Variants in PPP2R5B observed in about 807,000 individuals in gnomAD.
The protein encoded by PPP2R5B is serine/threonine-protein phosphatase 2A 56 kDa regulatory subunit beta isoform.
Under a neutral mutation model 59.9 loss-of-function variants are expected in PPP2R5B, and 19 were observed. The ratio of observed to expected loss-of-function variants is 0.32; its 90% CI spans 0.22 to 0.47. PPP2R5B has a LOEUF of 0.47. PPP2R5B is among the 20% of genes least tolerant of loss of function. The pLI is 1.00. For missense variants in PPP2R5B, 441 were observed against 640.2 expected, an observed-to-expected ratio of 0.69 and a Z score of 3.36; for synonymous variants, 286 against 260.5, an observed-to-expected ratio of 1.10 and a Z score of -0.94.
Position 64,930,463 on chromosome 11 carries a change from CT to C in PPP2R5B, c.783-16del. 5.0e-6 allele frequency: 8 copies of C among 1,614,044 alleles called. No individual in the cohort carries two copies. Among genetic ancestry groups the C allele is most frequent in the Non-Finnish European group, 6.8e-6 (8 of 1,179,886 alleles). On this transcript the variant is annotated splice_polypyrimidine_tract_variant and intron_variant, in intron 7 of 13. Coordinates refer to ENST00000164133, the MANE Select transcript of PPP2R5B (RefSeq NM_006244.4). ...CAGGTCACCTGAGCCCTCTTCCTCT[CT>C]TCTGCCTCCTCCTCAGCATCATCAA...
In PPP2R5B at chr11:64,926,014, G is replaced by A. The variant is rs183502537; in HGVS notation, c.199+81G>A. ...CATGGGGAGGGGTGGGAGGCAGCGG[G>A]CAGCTGCCAAGAGAGAGAGTTTGGA... On this transcript the variant is annotated intron_variant, in intron 2 of 13. Transcript: ENST00000164133. The A allele has an allele frequency of 7.1e-4, 995 of 1,397,938 alleles. 4 individuals are homozygous for A. The African/African-American group carries it at 0.013, about 18-fold the overall frequency. The allele number at this position is 1,397,938 out of a possible 1,614,324, so 86.6% of individuals were successfully genotyped here.
At chr11:64,918,146 A>T (rs1945060575) in intron 1 of PPP2R5B, 1 of 152,208 alleles carries the variant, frequency 6.6e-6, no homozygotes, top group Non-Finnish European at 1.5e-5. Context: ...TTTTAGTGTC[A>T]CACAGTCTTG....
chr11:64,928,068 G>A lies in PPP2R5B; in HGVS notation c.501G>A (p.Leu167=). The change falls in exon 5 of 14, where the codon CTG becomes CTA. Residue 167 remains leucine (L), a splice_region_variant and synonymous_variant. Transcript: ENST00000164133. ...TTTTGTCTGTCCCCCTCCCCCAGCT[G>A]GTATATGAGTTTTTCCTGCGTTTCT... is the stretch of plus-strand genomic sequence containing the variant. The part of the protein sequence containing the change: ...NLEPSWPHLQ[L]VYEFFLRFLE... 2 of 1,614,104 alleles carry A rather than the reference G, an allele frequency of 1.2e-6. No individual in the cohort carries two copies. The highest frequency in any genetic ancestry group is 8.5e-7 in the Non-Finnish European group (1 of 1,179,964).
At position 64,925,831 on chromosome 11, in the gene PPP2R5B, C is replaced by T. The variant is rs761818150; in HGVS notation, c.97C>T (p.Arg33Cys). Residue 33 changes from arginine (R) to cysteine (C), a missense_variant, in exon 2 of 14, where the codon CGC becomes TGC. Around this residue, in one of 3 missense-constraint regions of PPP2R5B, gnomAD observed 103 missense variants for 87.9 expected, o/e 1.17. Coordinates refer to ENST00000164133, the MANE Select transcript of PPP2R5B (RefSeq NM_006244.4). The surrounding 1 kb of genome is among the most constrained non-coding windows in gnomAD (Gnocchi z 4.6). ...ACCCGACAAGGTGGACGGCTTCTCCCGCCGTTCCCTCCGCAGAGCCCGGCC... is the reference window on the plus strand; with the variant it reads ...ACCCGACAAGGTGGACGGCTTCTCCTGCCGTTCCCTCCGCAGAGCCCGGCC... ...PPPDKVDGFS[R>C]RSLRRARPRR... 4.0e-5 allele frequency: 65 copies of T among 1,609,446 alleles called. No individual in the cohort carries two copies. Among genetic ancestry groups the T allele is most frequent in the African/African-American group, 6.7e-5 (5 of 74,810 alleles).
At chr11:64,918,053 G>C (rs1945058531) in intron 1 of PPP2R5B, among the ~76,000 whole-genome samples, 2 of 152,190 alleles carry the variant, frequency 1.3e-5, no homozygotes, top group Non-Finnish European at 2.9e-5. Flanking sequence ...TAAATGGTTA[G>C]GGGAAAAATC....
upstream of PPP2R5B, among the ~76,000 whole-genome samples, chr11:64,922,443 G>T (rs1468229981): frequency 6.6e-6 from 1 of 151,948 alleles, no homozygotes; most frequent in African/African-American, 2.4e-5. Context: ...AGCTGAGATG[G>T]TGCCACTGCA....
Position 64,932,770 on chromosome 11 carries a change from A to T in PPP2R5B, c.1122A>T (p.Ala374=). The change falls in exon 12 of 14, where the codon GCA becomes GCT. Residue 374 remains alanine, a synonymous_variant. Transcript: ENST00000164133. The part of the protein sequence containing the change: ...RCVSSPHFQV[A]ERALYFWNNE... ...TGCCATCTTGTCTGCCCCAGGTTGC[A>T]GAGCGGGCTCTGTATTTCTGGAACA... The T allele has an allele frequency of 6.2e-7, 1 of 1,613,840 alleles. No homozygotes were observed. Among genetic ancestry groups the T allele is most frequent in the Non-Finnish European group, 8.5e-7 (1 of 1,179,846 alleles).
At position 64,934,095 on chromosome 11, in the gene PPP2R5B, A is replaced by T. The variant is rs1945260171; in HGVS notation, c.*251A>T. On this transcript the variant is annotated 3_prime_UTR_variant, in exon 14 of 14. Transcript: ENST00000164133. ...CTTGACCAGGAAGCTGCCATCAGGG[A>T]TCTTCCCCTGCCCCGCAAAGCTAGG... 4.6e-6 allele frequency: 2 copies of T among 437,194 alleles called. No individual in the cohort carries two copies. The highest frequency in any genetic ancestry group is 2.0e-5 in the African/African-American group (1 of 49,234). 27.1% of individuals were successfully genotyped at this position (437,194 alleles called of 1,614,324 possible). A position where few individuals can be genotyped will look rare whatever the true frequency, so the allele number is the denominator to read the frequency against.
In PPP2R5B at chr11:64,934,312, G is replaced by A. The variant is rs902732855; in HGVS notation, c.*468G>A. ...TGGGTGCACACTCCTCCCTTCCCTC[G>A]CTGTGTACTTCCTTGTCCCCTTTTT... On this transcript the variant is annotated 3_prime_UTR_variant, in exon 14 of 14. Coordinates refer to ENST00000164133, the MANE Select transcript of PPP2R5B (RefSeq NM_006244.4). The A allele has an allele frequency of 1.6e-4, 39 of 249,000 alleles. 1 individual carries two copies. The South Asian group carries it at 1.9e-3, about 12-fold the overall frequency. 15.4% of individuals were successfully genotyped at this position (249,000 alleles called of 1,614,324 possible). A position where few individuals can be genotyped will look rare whatever the true frequency, so the allele number is the denominator to read the frequency against.
chr11:64,926,952 G>T (rs541717658), intron 3 of PPP2R5B, 44 bp downstream of exon 3: 2 of 1,590,956 alleles, frequency 1.3e-6, no homozygotes, highest in South Asian at 1.1e-5. Flanking sequence ...CCGAGAGGGC[G>T]TGTGAGCCCC....
intron 2 of PPP2R5B, 118 bp downstream of exon 2, chr11:64,926,051 G>A (rs1035488394): frequency 3.5e-5 from 37 of 1,068,276 alleles, no homozygotes; most frequent in Non-Finnish European, 4.5e-5. Flanking sequence ...ACCCCTCCAG[G>A]CTAGGTTCTC....
chr11:64,929,873 G>A (rs1482013244), intron 6 of PPP2R5B, among the ~76,000 whole-genome samples: 2 of 152,164 alleles, frequency 1.3e-5, no homozygotes, highest in African/African-American at 4.8e-5. Flanking sequence ...CTACAAAATG[G>A]GTGAGCCATG....
upstream of PPP2R5B, chr11:64,923,149 C>T (rs934828160): frequency 6.6e-6 from 1 of 152,240 alleles, no homozygotes; most frequent in African/African-American, 2.4e-5. Flanking sequence ...ATATAAAACA[C>T]CAGTCCTCTG....
At chr11:64,923,272 G>A (rs781492005), upstream of PPP2R5B, among the ~76,000 whole-genome samples, 2 of 152,248 alleles carry the variant, frequency 1.3e-5, no homozygotes, top group African/African-American at 2.4e-5. Flanking sequence ...TTGATGACAC[G>A]CTGTGTGACA....
At chr11:64,933,090 G>C in intron 12 of PPP2R5B, 55 bp from the exon 13 acceptor site, 1 of 1,524,670 alleles carries the variant, frequency 6.6e-7, no homozygotes, top group Non-Finnish European at 9.1e-7. Context: ...GGGAAAGGGA[G>C]AGGTGGGCAA....
At chr11:64,932,985 T>C in intron 12 of PPP2R5B, 93 bp downstream of exon 12, 1 of 1,559,186 alleles carries the variant, frequency 6.4e-7, no homozygotes. Flanking sequence ...CTGGAGAATA[T>C]CAGAGAAAGC....
intron 6 of PPP2R5B, 45 bp downstream of exon 6, chr11:64,928,470 A>G (rs1450198665): frequency 1.2e-6 from 2 of 1,612,788 alleles, no homozygotes; most frequent in Non-Finnish European, 1.7e-6. Context: ...GGAGGGTGAG[A>G]GGGCTGTTAG....
intron 6 of PPP2R5B, among the ~76,000 whole-genome samples, chr11:64,928,744 C>T (rs146703661): frequency 0.017 from 2,568 of 152,260 alleles, 84 homozygotes; most frequent in African/African-American, 0.057. Flanking sequence ...ATTAGCCGGG[C>T]GCGGTGGCGG....
intron 3 of PPP2R5B, 109 bp from the exon 4 acceptor site, chr11:64,927,693 C>T (rs1004983640): frequency 7.0e-6 from 6 of 862,652 alleles, no homozygotes; most frequent in Admixed American, 2.3e-5. Flanking sequence ...GGCAACAGAG[C>T]GAGACCCTGT....
Sources: allele counts gnomAD v4.1 joint callset (sites outside exome capture counted in the v4.1 genomes callset), GRCh38; gene constraint gnomAD v4.1.1; regional missense constraint gnomAD v4.1.1; non-coding constraint Gnocchi (gnomAD v3.1); transcripts MANE v1.5; gene names NCBI Gene and HGNC (gene_info 2026-07-23, HGNC 2026-07-21).